CD82: variants seen among roughly 807,000 people sequenced by gnomAD.
The protein encoded by CD82 is CD82 antigen.
CD82 carries 36 observed loss-of-function variants against 37.4 expected under a neutral mutation model. The ratio of observed to expected loss-of-function variants is 0.96; its 90% confidence interval spans 0.74 to 1.27. CD82 has a LOEUF of 1.27. CD82 is among the 50% of genes most tolerant of loss of function. CD82 has a pLI of 0.00. For synonymous variants in CD82, 158 were observed against 137.4 expected (o/e 1.15, Z -1.05); for missense variants, 340 against 347.0 (o/e 0.98, Z 0.16).
At chr11:44,618,030 G>A (rs1853590079) in intron 7 of CD82, 132 bp from the exon 8 acceptor site, 1 of 696,424 alleles carries the variant, frequency 1.4e-6, no homozygotes, top group Non-Finnish European at 2.4e-6. Context: ...GTTTATGATG[G>A]TTCGGCTGGG....
intron 2 of CD82, among the ~76,000 whole-genome samples, chr11:44,591,271 T>C (rs991616805): frequency 5.9e-5 from 9 of 152,190 alleles, no homozygotes; most frequent in Admixed American, 2.0e-4. Context: ...TTGCCAGTCC[T>C]CCTACTTGAG....
At chr11:44,590,589 C>A (rs1330584335) in intron 2 of CD82, among the ~76,000 whole-genome samples, 1 of 84,534 alleles carries the variant, frequency 1.2e-5, no homozygotes, top group Admixed American at 2.0e-4. Context: ...CCAGCCTGGG[C>A]AACAGAGGGA....
In CD82 at chr11:44,618,307, C is replaced by G. The variant is rs749820676; in HGVS notation, c.584C>G (p.Ala195Gly). The G allele has an allele frequency of 6.8e-6, 11 of 1,613,722 alleles. No homozygotes were observed. The highest frequency in any genetic ancestry group is 2.7e-5 in the African/African-American group (2 of 74,912). Residue 195 changes from alanine to glycine, a missense_variant, in exon 8 of 10, where the codon GCC becomes GGC. Transcript: ENST00000227155. ...TCTGTGAGGAAGGGCTTCTGCGAGG[C>G]CCCCGGCAACAGGACCCAGAGTGGC... ...SLSVRKGFCE[A>G]PGNRTQSGNH...
chr11:44,600,217 C>A lies in CD82; in HGVS notation c.123C>A (p.Phe41Leu). The stretch of plus-strand genomic sequence containing the variant: ...GGATCCTGGCCGACAAGAGCAGTTT[C>A]ATCTCTGTCCTGCGTAAGGACCCCT... ...GVWILADKSS[F>L]ISVLQTSSSS... The change falls in exon 4 of 10, where the codon TTC (phenylalanine) becomes TTA (leucine). Residue 41 changes from phenylalanine to leucine, a missense_variant. By Grantham distance (22) the Phe-to-Leu change is conservative. Coordinates refer to ENST00000227155, the MANE Select transcript of CD82 (RefSeq NM_002231.4). The A allele has an allele frequency of 6.2e-7, 1 of 1,614,020 alleles. No homozygotes were observed. The highest frequency in any genetic ancestry group is 8.5e-7 in the Non-Finnish European group (1 of 1,179,952).
intron 2 of CD82, among the ~76,000 whole-genome samples, chr11:44,593,900 A>G (rs1342759870): frequency 1.3e-5 from 2 of 152,166 alleles, no homozygotes; most frequent in East Asian, 1.9e-4. Context: ...AGAGCATTTT[A>G]TCAACATATA....
At chr11:44,587,593 G>A (rs1451812896) in intron 2 of CD82, 37 bp downstream of exon 2, 1 of 456,128 alleles carries the variant, frequency 2.2e-6, no homozygotes, top group South Asian at 1.5e-5. Context: ...GGGTTGGAGG[G>A]GACACACTTG....
chr11:44,594,811 CG>C, intron 3 of CD82, 86 bp downstream of exon 3: 1 of 1,137,552 alleles, frequency 8.8e-7, no homozygotes, highest in Non-Finnish European at 1.3e-6. Flanking sequence ...CAGAGCCGAC[CG>C]GGCCGGGGAT....
At chr11:44,594,504 G>T (rs966352472) in intron 2 of CD82, 139 bp from the exon 3 acceptor site, 5 of 631,816 alleles carry the variant, frequency 7.9e-6, no homozygotes, top group Non-Finnish European at 1.2e-5. Flanking sequence ...TAGCTGTGTG[G>T]CTTTGGGCTA....
chr11:44,587,911 G>A, intron 2 of CD82: 1 of 265,440 alleles, frequency 3.8e-6, no homozygotes, highest in South Asian at 4.1e-5. Flanking sequence ...GAAAGCCCTG[G>A]TGTTCTTTGT....
rs1485147517 is a variant in CD82, at chr11:44,618,334, A to G, written c.611A>G (p.Asn204Ser). The change falls in exon 8 of 10, where the codon AAC becomes AGC. Residue 204 changes from asparagine (N) to serine (S), a missense_variant. Transcript: ENST00000227155. ...CCCGGCAACAGGACCCAGAGTGGCA[A>G]CCACCCTGAGGACTGGCCTGTGTAC... ...EAPGNRTQSG[N>S]HPEDWPVYQE... The G allele has an allele frequency of 1.2e-6, 2 of 1,613,454 alleles. No individual in the cohort carries two copies. Among genetic ancestry groups the G allele is most frequent in the Non-Finnish European group, 1.7e-6 (2 of 1,179,968 alleles).
At position 44,597,555 on chromosome 11, in the gene CD82, G is replaced by A. The variant is rs920524577; in HGVS notation, c.64-2603G>A. On this transcript the variant is annotated intron_variant, in intron 3 of 9. Transcript: ENST00000227155. The surrounding 1 kb of genome is among the most constrained non-coding windows in gnomAD (Gnocchi z 4.1). ...TCAGACCTACAGAGGGACTGAATGGGTAGCCCCGGGGACTTTGCTCTCTGG... is the reference window on the plus strand; with the variant it reads ...TCAGACCTACAGAGGGACTGAATGGATAGCCCCGGGGACTTTGCTCTCTGG... Among the ~76,000 whole-genome samples, 1 of 152,258 alleles carries A rather than the reference G, an allele frequency of 6.6e-6. No homozygotes were observed. The highest frequency in any genetic ancestry group is 2.4e-5 in the African/African-American group (1 of 41,472).
intron 1 of CD82, among the ~76,000 whole-genome samples, chr11:44,574,315 A>G (rs1471675468): frequency 1.3e-5 from 2 of 152,154 alleles, no homozygotes; most frequent in East Asian, 1.9e-4. Flanking sequence ...CGCACACCTC[A>G]AGGCTTGGAA....
chr11:44,594,411 C>CCCCAGCCCCAGT (rs1461343500), intron 2 of CD82, among the ~76,000 whole-genome samples: 1 of 152,128 alleles, frequency 6.6e-6, no homozygotes, highest in Non-Finnish European at 1.5e-5. Flanking sequence ...CCAGCCCCAG[C>CCCCAGCCCCAGT]CCCAGTGCAG....
At chr11:44,584,054 T>C (rs1853018794) in intron 1 of CD82, among the ~76,000 whole-genome samples, 1 of 152,100 alleles carries the variant, frequency 6.6e-6, no homozygotes. Flanking sequence ...CTTCCCACCT[T>C]GGTGGTGGTG....
intron 6 of CD82, 142 bp from the exon 7 acceptor site, chr11:44,615,130 G>C (rs544993278): frequency 3.1e-6 from 2 of 646,028 alleles, no homozygotes; most frequent in South Asian, 3.6e-5. Flanking sequence ...GGCACCCTGG[G>C]AGCGCCAGGA....
chr11:44,611,332 C>G (rs1298726054), intron 6 of CD82, among the ~76,000 whole-genome samples: 4 of 152,228 alleles, frequency 2.6e-5, no homozygotes, highest in African/African-American at 9.6e-5. Context: ...CTACCCTCCT[C>G]TGTTGGCTCC....
At chr11:44,587,093 G>A in intron 1 of CD82, 1 of 256,566 alleles carries the variant, frequency 3.9e-6, no homozygotes, top group Non-Finnish European at 7.9e-6. Context: ...AGGGGGCCTG[G>A]GCATGGCCTA....
intron 2 of CD82, among the ~76,000 whole-genome samples, chr11:44,588,124 A>G (rs16938014): frequency 0.12 from 18,178 of 152,214 alleles, 1,180 homozygotes; most frequent in South Asian, 0.21. Flanking sequence ...CGTTATAGGA[A>G]CTGCCGTCTA....
chr11:44,596,682 G>T (rs774243124), intron 3 of CD82, among the ~76,000 whole-genome samples: 6 of 152,142 alleles, frequency 3.9e-5, no homozygotes, highest in African/African-American at 7.2e-5. Context: ...GATGGTGGAG[G>T]GGGGAGGGGC....
Sources: allele counts gnomAD v4.1 joint callset (sites outside exome capture counted in the v4.1 genomes callset), GRCh38; gene constraint gnomAD v4.1.1; non-coding constraint Gnocchi (gnomAD v3.1); transcripts MANE v1.5; gene names NCBI Gene and HGNC (gene_info 2026-07-23, HGNC 2026-07-21).